ARHGAP20: variants seen among roughly 807,000 people sequenced by gnomAD.
ARHGAP20 encodes Rho GTPase activating protein 20.
ARHGAP20 carries 34 observed loss-of-function variants against 73.7 expected under a neutral mutation model. The ratio of observed to expected loss-of-function variants is 0.46; its 90% CI spans 0.35 to 0.61. The LOEUF (loss-of-function observed/expected upper bound fraction) is 0.61. Ranked by LOEUF, ARHGAP20 falls within the 20% of genes least tolerant of loss-of-function variation. The pLI is 0.00. For synonymous variants in ARHGAP20, 523 were observed against 518.2 expected (o/e 1.01, Z -0.13); for missense variants, 1,314 against 1,420.9 (o/e 0.92, Z 1.21).
chr11:110,627,215 A>C (rs902096940), intron 3 of ARHGAP20, among the ~76,000 whole-genome samples: 1 of 151,992 alleles, frequency 6.6e-6, no homozygotes, highest in Non-Finnish European at 1.5e-5. Context: ...CAGCCTCCTG[A>C]GTAGCTGGGA....
At chr11:110,692,038 A>T (rs1024243796) in intron 1 of ARHGAP20, among the ~76,000 whole-genome samples, 6 of 152,176 alleles carry the variant, frequency 3.9e-5, no homozygotes, top group Admixed American at 3.3e-4. Flanking sequence ...TTATCATCGG[A>T]TTCCCAGAAA....
intron 1 of ARHGAP20, among the ~76,000 whole-genome samples, chr11:110,704,418 T>A (rs1043581372): frequency 2.0e-5 from 3 of 152,150 alleles, no homozygotes; most frequent in Admixed American, 2.0e-4. Flanking sequence ...AGTTGTGTCA[T>A]GTGACAGGTG....
In ARHGAP20 at chr11:110,580,304, T is replaced by C; in HGVS notation, c.2642A>G (p.Glu881Gly). ...CTTATGCCGTTTGAGATAATCCTCC[T>C]CTCCATGCAAGAGACCAGCTTCACA... Reference protein sequence around the residue: ...TSCEAGLLHGEEDYLKRHKSL... With the variant: ...TSCEAGLLHGGEDYLKRHKSL... Residue 881 changes from glutamate (E) to glycine (G), a missense_variant, in exon 15 of 15, where the codon GAG (glutamate) becomes GGG (glycine). Physicochemically the swap from Glu to Gly is moderately conservative, Grantham distance 98 (BLOSUM62 -2). Coordinates refer to ENST00000683387, the MANE Select transcript of ARHGAP20 (RefSeq NM_001384657.1). 6.2e-7 allele frequency: 1 copy of C among 1,614,218 alleles called. No individual in the cohort carries two copies. Among genetic ancestry groups the C allele is most frequent in the Non-Finnish European group, 8.5e-7 (1 of 1,180,032 alleles).
At chr11:110,619,469 TAGTGATAGAGTATATGC>T (rs1948573397) in intron 4 of ARHGAP20, among the ~76,000 whole-genome samples, 5 of 150,404 alleles carry the variant, frequency 3.3e-5, no homozygotes, top group African/African-American at 7.4e-5. Context: ...AGTGTATATG[TAGTGATAGAGTATATGC>T]AGTGATAGAG....
In ARHGAP20 at chr11:110,579,894, T is replaced by C. The variant is rs1947397002; in HGVS notation, c.3052A>G (p.Lys1018Glu). ...QACSRPAYTKKDTMEWHSQMH... is the reference protein window; with the variant it reads ...QACSRPAYTKEDTMEWHSQMH... ...TGTGAATGCCACTCCATGGTGTCCTTCTTTGTATAGGCTGGGCGGCTGCAA... is the reference window on the plus strand; with the variant it reads ...TGTGAATGCCACTCCATGGTGTCCTCCTTTGTATAGGCTGGGCGGCTGCAA... The change falls in exon 15 of 15, where the codon AAG becomes GAG. Residue 1018 changes from lysine (K) to glutamate (E), a missense_variant. Transcript: ENST00000683387. The C allele has an allele frequency of 1.2e-6, 2 of 1,614,198 alleles. No homozygotes were observed. The highest frequency in any genetic ancestry group is 1.1e-5 in the South Asian group (1 of 91,084).
chr11:110,711,683 C>G (rs1440818288), intron 1 of ARHGAP20: 1 of 1,456,600 alleles, frequency 6.9e-7, no homozygotes, highest in South Asian at 1.3e-5. Context: ...CTGCCGCTCC[C>G]GGGCAGACAT....
chr11:110,662,382 G>C (rs901922333), intron 2 of ARHGAP20, among the ~76,000 whole-genome samples: 2 of 151,844 alleles, frequency 1.3e-5, no homozygotes, highest in Non-Finnish European at 3.0e-5. Context: ...TTTGTGTCCA[G>C]TTGGTAGCAT....
intron 2 of ARHGAP20, among the ~76,000 whole-genome samples, chr11:110,638,717 G>A (rs568699559): frequency 2.6e-4 from 39 of 152,056 alleles, no homozygotes; most frequent in Non-Finnish European, 4.4e-4. Flanking sequence ...GGAGGAAGCT[G>A]GAAACCATCA....
intron 2 of ARHGAP20, among the ~76,000 whole-genome samples, chr11:110,635,892 A>G (rs1454597493): frequency 1.3e-5 from 2 of 152,136 alleles, no homozygotes; most frequent in African/African-American, 4.8e-5. Context: ...AAACAAAAAT[A>G]AAGCTTTCAC....
At chr11:110,686,289 C>G (rs1950130160) in intron 2 of ARHGAP20, among the ~76,000 whole-genome samples, 1 of 151,660 alleles carries the variant, frequency 6.6e-6, no homozygotes, top group South Asian at 2.1e-4. Flanking sequence ...ATTTGATCTC[C>G]AAGTTTTAAA....
intron 9 of ARHGAP20, among the ~76,000 whole-genome samples, chr11:110,595,870 A>T (rs1947945251): frequency 6.6e-6 from 1 of 152,174 alleles, no homozygotes; most frequent in South Asian, 2.1e-4. Flanking sequence ...AGCTGGAGGC[A>T]TCACGCTACC....
intron 2 of ARHGAP20, among the ~76,000 whole-genome samples, chr11:110,662,220 A>G (rs36061493): frequency 0.31 from 47,119 of 151,654 alleles, 8,188 homozygotes; most frequent in African/African-American, 0.48. Flanking sequence ...AAAAAACAGT[A>G]TTGAGGAGAC....
chr11:110,644,175 A>G (rs1949134811), intron 2 of ARHGAP20, among the ~76,000 whole-genome samples: 1 of 152,152 alleles, frequency 6.6e-6, no homozygotes. Flanking sequence ...AAATGGAAAA[A>G]CATTCCATGC....
Position 110,690,540 on chromosome 11 carries a change from C to T in ARHGAP20, c.188+7G>A. On this transcript the variant is annotated splice_region_variant and intron_variant, in intron 2 of 14. Coordinates refer to ENST00000683387, the MANE Select transcript of ARHGAP20 (RefSeq NM_001384657.1). ...ACTGAATGTGTAATACAAAGCTTTG[C>T]ACTTACCTGGTAGTAGGCCGTTTTT... The T allele has an allele frequency of 1.2e-6, 2 of 1,612,316 alleles. No individual in the cohort carries two copies. The highest frequency in any genetic ancestry group is 4.5e-5 in the East Asian group (2 of 44,842).
intron 2 of ARHGAP20, among the ~76,000 whole-genome samples, chr11:110,686,177 A>G (rs1247116399): frequency 6.6e-6 from 1 of 152,140 alleles, no homozygotes; most frequent in African/African-American, 2.4e-5. Flanking sequence ...CAGCAAGCTC[A>G]TTAATAATTC....
At chr11:110,674,894 C>G (rs1196409988) in intron 2 of ARHGAP20, among the ~76,000 whole-genome samples, 1 of 152,162 alleles carries the variant, frequency 6.6e-6, no homozygotes, top group Non-Finnish European at 1.5e-5. Flanking sequence ...CTTTTCTTAA[C>G]TGTGATAATG....
chr11:110,668,342 A>G lies in ARHGAP20; in HGVS notation c.188+22205T>C, dbSNP rs139364521. Among the ~76,000 whole-genome samples the G allele has an allele frequency of 6.6e-4, 101 of 152,274 alleles. 1 individual carries two copies. Among genetic ancestry groups the G allele is most frequent in the African/African-American group, 2.4e-3 (98 of 41,566 alleles). ...ACATATTTTAAAATAAAGGTATACA[A>G]ATTGTTTTTTAAAGTTATAATGCTG... On this transcript the variant is annotated intron_variant, in intron 2 of 14. Transcript: ENST00000683387.
intron 2 of ARHGAP20, among the ~76,000 whole-genome samples, chr11:110,634,136 G>GT (rs1182621903): frequency 6.6e-6 from 1 of 152,114 alleles, no homozygotes; most frequent in African/African-American, 2.4e-5. Context: ...GTCTCAAAAG[G>GT]TGTCTTGGGG....
At chr11:110,688,595 C>G (rs1377420640) in intron 2 of ARHGAP20, among the ~76,000 whole-genome samples, 1 of 151,912 alleles carries the variant, frequency 6.6e-6, no homozygotes, top group East Asian at 1.9e-4. Flanking sequence ...TTCCTCTATC[C>G]ACCTCCCCTA....
Sources: allele counts gnomAD v4.1 joint callset (sites outside exome capture counted in the v4.1 genomes callset), GRCh38; gene constraint gnomAD v4.1.1; transcripts MANE v1.5; gene names NCBI Gene and HGNC (gene_info 2026-07-23, HGNC 2026-07-21).